Variants in PTN observed in about 807,000 individuals in gnomAD.
PTN encodes the protein heparin affin regulatory protein.
In PTN, 18 loss-of-function variants were observed where a neutral mutation model predicts 24.1. The ratio of observed to expected loss-of-function variants is 0.75; its 90% CI spans 0.52 to 1.11. The LOEUF (loss-of-function observed/expected upper bound fraction) is 1.11. Ranked by LOEUF, PTN falls within the 50% of genes least tolerant of loss-of-function variation. The pLI, the probability that PTN is intolerant of heterozygous loss-of-function variation, is 0.00. For synonymous variants in PTN, 78 were observed against 68.6 expected (o/e 1.14, Z -0.67); for missense variants, 163 against 198.8 (o/e 0.82, Z 1.08).
intron 1 of PTN, among the ~76,000 whole-genome samples, chr7:137,301,487 G>T (rs1225092499): frequency 5.9e-5 from 9 of 151,816 alleles, no homozygotes; most frequent in African/African-American, 1.5e-4. Context: ...AGCTATATTG[G>T]TCAATTCAGA....
At chr7:137,245,551 A>C (rs1808708263) in intron 4 of PTN, among the ~76,000 whole-genome samples, 2 of 152,214 alleles carry the variant, frequency 1.3e-5, no homozygotes, top group South Asian at 4.1e-4. Flanking sequence ...TTACTGGTTT[A>C]TGTATTTACT....
chr7:137,282,550 C>T (rs1809489905), intron 1 of PTN, among the ~76,000 whole-genome samples: 1 of 151,992 alleles, frequency 6.6e-6, no homozygotes, highest in Admixed American at 6.6e-5. Flanking sequence ...CAGCCAGCAC[C>T]TTAGGCTTTT....
rs117302605 is a variant in PTN at position 137,286,136 on chromosome 7, A to G, written c.-1-31162T>C. Among the ~76,000 whole-genome samples, 485 of 152,336 alleles carry G rather than the reference A, an allele frequency of 3.2e-3. 2 individuals are homozygous for G. The highest frequency in any genetic ancestry group is 5.2e-3 in the Non-Finnish European group (352 of 68,022). On this transcript the variant is annotated intron_variant, in intron 1 of 4. Transcript: ENST00000348225. ...AGGGTGGAGTCAAATAACCCCCAAT[A>G]ACTCAGTTTACCCTAATAGAAGCAC...
intron 1 of PTN, among the ~76,000 whole-genome samples, chr7:137,272,983 A>T (rs906973753): frequency 1.3e-5 from 2 of 152,198 alleles, no homozygotes; most frequent in Non-Finnish European, 2.9e-5. Flanking sequence ...TTCTATCGAA[A>T]GCCTTTGGAT....
intron 1 of PTN, among the ~76,000 whole-genome samples, chr7:137,314,387 T>C (rs144230373): frequency 2.0e-5 from 3 of 152,100 alleles, no homozygotes; most frequent in Non-Finnish European, 2.9e-5. Context: ...GTACCAGCAA[T>C]TGATGGAAGG....
At chr7:137,333,943 A>G (rs2128883138) in intron 1 of PTN, among the ~76,000 whole-genome samples, 1 of 152,338 alleles carries the variant, frequency 6.6e-6, no homozygotes, top group Non-Finnish European at 1.5e-5. Flanking sequence ...CAATGGGGAA[A>G]GGATTCCCTA....
chr7:137,303,039 T>A (rs1809831947), intron 1 of PTN, among the ~76,000 whole-genome samples: 1 of 152,032 alleles, frequency 6.6e-6, no homozygotes, highest in East Asian at 1.9e-4. Context: ...GCCAGCTGCA[T>A]GAGACATGAA....
intron 4 of PTN, among the ~76,000 whole-genome samples, chr7:137,237,514 T>C (rs1808544975): frequency 6.6e-6 from 1 of 152,162 alleles, no homozygotes. Context: ...AATAGGATGT[T>C]AGTTTATTGT....
intron 4 of PTN, among the ~76,000 whole-genome samples, chr7:137,242,149 C>A (rs1033415178): frequency 3.9e-5 from 6 of 152,152 alleles, no homozygotes; most frequent in African/African-American, 1.2e-4. Flanking sequence ...TTTCCTGACC[C>A]CTTTTTTCCC....
At chr7:137,322,044 T>C (rs908235739) in intron 1 of PTN, among the ~76,000 whole-genome samples, 1 of 152,234 alleles carries the variant, frequency 6.6e-6, no homozygotes, top group African/African-American at 2.4e-5. Flanking sequence ...AGGCCTTCCC[T>C]GGCACTCTCC....
chr7:137,271,685 A>C (rs1372596496), intron 1 of PTN, among the ~76,000 whole-genome samples: 2 of 152,210 alleles, frequency 1.3e-5, no homozygotes, highest in African/African-American at 4.8e-5. Flanking sequence ...GACTTTGAGA[A>C]TCACAGAATT....
intron 4 of PTN, among the ~76,000 whole-genome samples, chr7:137,229,695 C>T (rs140313951): frequency 6.6e-6 from 1 of 151,858 alleles, no homozygotes; most frequent in East Asian, 1.9e-4. Flanking sequence ...CCCAAGTTTG[C>T]CCCATTTCTA....
intron 1 of PTN, among the ~76,000 whole-genome samples, chr7:137,317,720 T>C (rs1345861212): frequency 1.3e-5 from 2 of 152,232 alleles, no homozygotes; most frequent in African/African-American, 4.8e-5. Flanking sequence ...CATTCAATAC[T>C]TAAACAATAC....
intron 4 of PTN, among the ~76,000 whole-genome samples, chr7:137,250,657 G>C (rs955403057): frequency 7.9e-5 from 12 of 152,202 alleles, no homozygotes; most frequent in African/African-American, 1.9e-4. Context: ...CAAGAGAGCA[G>C]AGCCTGACTT....
At chr7:137,268,184 G>A (rs932940429) in intron 1 of PTN, among the ~76,000 whole-genome samples, 4 of 152,038 alleles carry the variant, frequency 2.6e-5, no homozygotes, top group Admixed American at 2.6e-4. Context: ...GCTCTGGCGA[G>A]GCATCCCACC....
intron 1 of PTN, among the ~76,000 whole-genome samples, chr7:137,329,313 A>G (rs752450643): frequency 6.6e-6 from 1 of 152,228 alleles, no homozygotes; most frequent in Non-Finnish European, 1.5e-5. Context: ...CAAGGCCTTC[A>G]GCTTCTAGAA....
chr7:137,233,081 A>G (rs1168760200), intron 4 of PTN, among the ~76,000 whole-genome samples: 1 of 152,004 alleles, frequency 6.6e-6, no homozygotes, highest in Non-Finnish European at 1.5e-5. Flanking sequence ...GTAGAAATTA[A>G]TATGAGCCGT....
chr7:137,328,143 G>C (rs758286674), intron 1 of PTN, among the ~76,000 whole-genome samples: 6 of 152,296 alleles, frequency 3.9e-5, no homozygotes, highest in Non-Finnish European at 8.8e-5. Context: ...CATGCTGCCA[G>C]ATTAAAGACC....
At chr7:137,332,380 T>C (rs1810373519) in intron 1 of PTN, among the ~76,000 whole-genome samples, 1 of 135,724 alleles carries the variant, frequency 7.4e-6, no homozygotes, top group Non-Finnish European at 1.7e-5. Context: ...ATAAGAAACA[T>C]CATAATGGAA....
Sources: allele counts gnomAD v4.1 joint callset (sites outside exome capture counted in the v4.1 genomes callset), GRCh38; gene constraint gnomAD v4.1.1; transcripts MANE v1.5; gene names NCBI Gene and HGNC (gene_info 2026-07-23, HGNC 2026-07-21).